Variants in ZFP1 observed in about 807,000 individuals in gnomAD.
ZFP1 encodes zinc finger protein 1 homolog.
A neutral mutation model predicts 38.5 loss-of-function variants in ZFP1; 32 were observed. The observed-to-expected ratio is 0.83, with a 90% CI of 0.63 to 1.12. The LOEUF is 1.12. Among genes scored for constraint, ZFP1 ranks in the 50% most tolerant of loss-of-function variants. The pLI is 0.00. For synonymous variants in ZFP1, 245 were observed against 168.8 expected, an observed-to-expected ratio of 1.45 and a Z score of -3.50; for missense variants, 616 against 480.8, an observed-to-expected ratio of 1.28 and a Z score of -2.63.
At chr16:75,154,035 G>A (rs990852623) in intron 2 of ZFP1, among the ~76,000 whole-genome samples, 8 of 152,156 alleles carry the variant, frequency 5.3e-5, no homozygotes, top group African/African-American at 1.9e-4. Context: ...TGGCCAACAC[G>A]GTGAAACCCC....
intron 2 of ZFP1, among the ~76,000 whole-genome samples, chr16:75,164,809 GT>G (rs35922943): frequency 1.0e-2 from 315 of 31,564 alleles, no homozygotes; most frequent in African/African-American, 0.035. Flanking sequence ...GTTTCCATAA[GT>G]TTTTTTTTTT....
chr16:75,125,249 ACT>A, the ZFP1 span, among the ~76,000 whole-genome samples: 9,963 of 152,048 alleles, frequency 0.066, 1,129 homozygotes, highest in African/African-American at 0.23. Flanking sequence ...ACAGAGCAAG[ACT>A]CTATCTCGAA....
intron 2 of ZFP1, 162 bp from the exon 3 acceptor site, chr16:75,166,608 A>G (rs2038096676): frequency 2.0e-6 from 2 of 985,132 alleles, no homozygotes; most frequent in Admixed American, 6.1e-5. Context: ...AATCTCAACT[A>G]TTTATAAAAA....
intron 2 of ZFP1, among the ~76,000 whole-genome samples, chr16:75,162,917 CTTTTT>C (rs34465635): frequency 6.8e-6 from 1 of 147,588 alleles, no homozygotes; most frequent in Admixed American, 6.7e-5. Flanking sequence ...TGTAATTTTT[CTTTTT>C]TTTTTTGGAA....
At chr16:75,142,429 A>G in the ZFP1 span, among the ~76,000 whole-genome samples, 1 of 152,016 alleles carries the variant, frequency 6.6e-6, no homozygotes, top group Non-Finnish European at 1.5e-5. Flanking sequence ...TCCTGCTGTA[A>G]CCCTAAGACC....
At chr16:75,161,611 C>A (rs1291852820) in intron 2 of ZFP1, among the ~76,000 whole-genome samples, 1 of 150,470 alleles carries the variant, frequency 6.6e-6, no homozygotes, top group Non-Finnish European at 1.5e-5. Context: ...TTACTTGTAA[C>A]CTATTCTCTC....
chr16:75,166,431 G>A (rs1422821130), intron 2 of ZFP1: 1 of 430,904 alleles, frequency 2.3e-6, no homozygotes, highest in Non-Finnish European at 3.1e-6. Flanking sequence ...TCACCATGTT[G>A]TCCAGGCTGG....
At chr16:75,159,649 A>C (rs2037665277) in intron 2 of ZFP1, among the ~76,000 whole-genome samples, 1 of 151,754 alleles carries the variant, frequency 6.6e-6, no homozygotes, top group Non-Finnish European at 1.5e-5. Context: ...CAATTTGTCC[A>C]CCTGCCTCAG....
the ZFP1 span, among the ~76,000 whole-genome samples, chr16:75,138,699 A>T: frequency 6.6e-5 from 10 of 152,368 alleles, no homozygotes; most frequent in East Asian, 1.9e-3. Flanking sequence ...AGAACGCTAC[A>T]TGAGGGAAGT....
chr16:75,166,381 G>A (rs1422683848), intron 2 of ZFP1, among the ~76,000 whole-genome samples: 1 of 152,162 alleles, frequency 6.6e-6, no homozygotes, highest in Non-Finnish European at 1.5e-5. Context: ...GTACAGGCAT[G>A]TGCCACCATG....
At chr16:75,125,129 C>A in the ZFP1 span, among the ~76,000 whole-genome samples, 1 of 151,142 alleles carries the variant, frequency 6.6e-6, no homozygotes. Context: ...CATGGTGGCA[C>A]GCACCTGTAA....
chr16:75,135,209 CAAAA>C, the ZFP1 span, among the ~76,000 whole-genome samples: 84 of 14,956 alleles, frequency 5.6e-3, 1 homozygote, highest in African/African-American at 0.018. Flanking sequence ...GACCTTATCT[CAAAA>C]AAAAAAAAAA....
chr16:75,170,189 C>A lies in ZFP1; in HGVS notation c.1079C>A (p.Thr360Asn). ...KPYECTECGKTFSQRSTLRLH... is the reference protein window; with the variant it reads ...KPYECTECGKNFSQRSTLRLH... ...TATGAATGTACTGAGTGCGGCAAAA[C>A]TTTCAGCCAGAGGTCAACTCTTAGA... Residue 360 changes from threonine (T) to asparagine (N), a missense_variant, in exon 4 of 4, where the codon ACT becomes AAT. By Grantham distance (65) the Thr-to-Asn change is moderately conservative (BLOSUM62 0). Transcript: ENST00000570010. 6 of 1,614,172 alleles carry A rather than the reference C, an allele frequency of 3.7e-6. No homozygotes were observed. The highest frequency in any genetic ancestry group is 5.1e-6 in the Non-Finnish European group (6 of 1,180,032).
At chr16:75,123,705 T>C in the ZFP1 span, among the ~76,000 whole-genome samples, 2 of 151,080 alleles carry the variant, frequency 1.3e-5, no homozygotes, top group Middle Eastern at 3.5e-3. Context: ...CTCGAACTCC[T>C]GAGCTCAGGC....
intron 2 of ZFP1, among the ~76,000 whole-genome samples, chr16:75,159,136 A>G (rs1407485541): frequency 6.7e-6 from 1 of 149,572 alleles, no homozygotes; most frequent in Non-Finnish European, 1.5e-5. Flanking sequence ...GGCTCAAGCA[A>G]TCCACCCACC....
the ZFP1 span, among the ~76,000 whole-genome samples, chr16:75,125,603 C>G: frequency 0.31 from 47,883 of 152,060 alleles, 7,720 homozygotes; most frequent in Non-Finnish European, 0.34. Flanking sequence ...GATTACAGGC[C>G]TGAGCCACCG....
chr16:75,170,021 CCTT>C lies in ZFP1; in HGVS notation c.915_917del (p.Phe306del), dbSNP rs1567544567. On this transcript the variant is annotated inframe_deletion, in exon 4 of 4. Transcript: ENST00000570010. ...TATGAGTGTAACGAATGTGCAAAAA[CCTT>C]CTTTAAGAAGTCAAACCTTATCATA... 1 of 1,614,150 alleles carries C rather than the reference CCTT, an allele frequency of 6.2e-7. No individual in the cohort carries two copies. The highest frequency in any genetic ancestry group is 2.2e-5 in the East Asian group (1 of 44,892).
upstream of ZFP1, among the ~76,000 whole-genome samples, chr16:75,144,831 TC>T (rs986393527): frequency 3.5e-4 from 53 of 152,328 alleles, 1 homozygote; most frequent in African/African-American, 1.3e-3. Flanking sequence ...TTTCTTTTTT[TC>T]TTTTCTTTTC....
rs995752463 is a variant in ZFP1, at chr16:75,160,739, G to A, written c.16-6031G>A. Among the ~76,000 whole-genome samples, 8 of 151,972 alleles carry A rather than the reference G, an allele frequency of 5.3e-5. No homozygotes were observed. In the East Asian group the frequency reaches 5.8e-4, roughly 11 times the overall value. On this transcript the variant is annotated intron_variant, in intron 2 of 3. Transcript: ENST00000570010. ...GTCCAAGATCAAGGTGCTGGTGAAG[G>A]CCTGGTCTCTTCTTCCAGGATGGCA...
Sources: allele counts gnomAD v4.1 joint callset (sites outside exome capture counted in the v4.1 genomes callset), GRCh38; gene constraint gnomAD v4.1.1; transcripts MANE v1.5; gene names NCBI Gene and HGNC (gene_info 2026-07-23, HGNC 2026-07-21).